The following PDE10A variants were observed in gnomAD, a reference collection of about 807,000 sequenced individuals.
PDE10A encodes the protein phosphodiesterase 10A, also known as cAMP and cAMP-inhibited cGMP 3',5'-cyclic phosphodiesterase 10A.
PDE10A carries 39 observed loss-of-function variants against 97.7 expected under a neutral mutation model. That is an observed-to-expected ratio of 0.40 (90% CI 0.31 to 0.52). The LOEUF (loss-of-function observed/expected upper bound fraction) is 0.52. PDE10A is among the 20% of genes least tolerant of loss of function. The pLI is 0.56. For missense variants in PDE10A, 731 were observed against 1,047.8 expected, an observed-to-expected ratio of 0.70 and a Z score of 4.17; for synonymous variants, 371 against 376.8, an observed-to-expected ratio of 0.98 and a Z score of 0.18.
chr6:165,717,654 T>C (rs954923521), intron 1 of PDE10A, among the ~76,000 whole-genome samples: 3 of 152,188 alleles, frequency 2.0e-5, no homozygotes, highest in Admixed American at 1.3e-4. Flanking sequence ...TATCCAGAAA[T>C]GGAATTGCTG....
intron 5 of PDE10A, among the ~76,000 whole-genome samples, chr6:165,437,249 A>C (rs1790091590): frequency 1.3e-5 from 2 of 151,882 alleles, no homozygotes; most frequent in African/African-American, 4.8e-5. Flanking sequence ...TTTTTTTATG[A>C]CTTAGCCATA....
At chr6:165,791,571 C>T (rs934749932) in intron 1 of PDE10A, among the ~76,000 whole-genome samples, 1 of 152,160 alleles carries the variant, frequency 6.6e-6, no homozygotes, top group African/African-American at 2.4e-5. Flanking sequence ...CTTTCTGAGA[C>T]ACCTGAAGTG....
intron 13 of PDE10A, among the ~76,000 whole-genome samples, chr6:165,412,223 T>G (rs1787914833): frequency 6.6e-6 from 1 of 152,108 alleles, no homozygotes; most frequent in African/African-American, 2.4e-5. Flanking sequence ...ATAAAATATA[T>G]TCAACTTTTG....
At chr6:165,520,499 A>G (rs1782066253) in intron 2 of PDE10A, among the ~76,000 whole-genome samples, 2 of 152,166 alleles carry the variant, frequency 1.3e-5, no homozygotes, top group Admixed American at 1.3e-4. Flanking sequence ...AGGGATGGGC[A>G]TGAGGACAGC....
intron 2 of PDE10A, among the ~76,000 whole-genome samples, chr6:165,487,228 GAA>G (rs1353080013): frequency 1.3e-5 from 2 of 152,160 alleles, no homozygotes; most frequent in Non-Finnish European, 2.9e-5. Context: ...CAAAAGCACT[GAA>G]AAGCCTGCTT....
intron 1 of PDE10A, among the ~76,000 whole-genome samples, chr6:165,796,257 A>G (rs982938904): frequency 3.3e-5 from 5 of 151,554 alleles, no homozygotes; most frequent in African/African-American, 9.7e-5. Context: ...CACCACGCCC[A>G]GCTAATTTTT....
intron 1 of PDE10A, among the ~76,000 whole-genome samples, chr6:165,818,408 A>G (rs1160336459): frequency 6.6e-6 from 1 of 152,118 alleles, no homozygotes; most frequent in Non-Finnish European, 1.5e-5. Context: ...ATGAAATGCG[A>G]CTCTGCGGGG....
At chr6:165,641,141 C>G (rs1397915400) in intron 1 of PDE10A, among the ~76,000 whole-genome samples, 1 of 152,084 alleles carries the variant, frequency 6.6e-6, no homozygotes, top group Non-Finnish European at 1.5e-5. Context: ...GCCAGGCTTT[C>G]TGAGCAGACA....
At chr6:165,547,302 G>T (rs1022155843) in intron 1 of PDE10A, among the ~76,000 whole-genome samples, 1 of 151,992 alleles carries the variant, frequency 6.6e-6, no homozygotes, top group African/African-American at 2.4e-5. Flanking sequence ...CATGAGCAGG[G>T]GCAGGTTAAA....
intron 1 of PDE10A, among the ~76,000 whole-genome samples, chr6:165,668,987 T>G (rs1401281874): frequency 6.6e-6 from 1 of 152,210 alleles, no homozygotes; most frequent in Non-Finnish European, 1.5e-5. Context: ...CCTCAGCCGC[T>G]GATGCCTCAT....
At chr6:165,635,378 T>C (rs1788823861) in intron 1 of PDE10A, among the ~76,000 whole-genome samples, 1 of 152,230 alleles carries the variant, frequency 6.6e-6, no homozygotes, top group Non-Finnish European at 1.5e-5. Flanking sequence ...ATTTTTCATT[T>C]TGTAAGACTG....
At chr6:165,816,641 A>G (rs76384423) in intron 1 of PDE10A, among the ~76,000 whole-genome samples, 1,844 of 152,374 alleles carry the variant, frequency 0.012, 42 homozygotes, top group African/African-American at 0.042. Flanking sequence ...TAAGCACTGC[A>G]TTAAGTGTTT....
chr6:165,717,102 A>C (rs1372157881), intron 1 of PDE10A, among the ~76,000 whole-genome samples: 1 of 152,184 alleles, frequency 6.6e-6, no homozygotes, highest in Non-Finnish European at 1.5e-5. Context: ...TTTGTTTTTT[A>C]TGTGACTGAT....
At chr6:165,626,110 A>G (rs1316771849) in intron 1 of PDE10A, among the ~76,000 whole-genome samples, 1 of 152,162 alleles carries the variant, frequency 6.6e-6, no homozygotes, top group East Asian at 1.9e-4. Context: ...CCTGGGGATC[A>G]AAGACACAGT....
chr6:165,405,347 A>C (rs1787053173), intron 13 of PDE10A, among the ~76,000 whole-genome samples: 1 of 152,236 alleles, frequency 6.6e-6, no homozygotes, highest in Non-Finnish European at 1.5e-5. Flanking sequence ...GAAGCAAATC[A>C]AATTTTAATG....
chr6:165,624,985 T>A (rs1788313618), intron 1 of PDE10A, among the ~76,000 whole-genome samples: 1 of 152,180 alleles, frequency 6.6e-6, no homozygotes, highest in Non-Finnish European at 1.5e-5. Flanking sequence ...GAGTTTGCTA[T>A]GCAGTGTGTT....
chr6:165,838,695 T>C (rs1780132656), intron 1 of PDE10A, among the ~76,000 whole-genome samples: 2 of 152,242 alleles, frequency 1.3e-5, no homozygotes, highest in African/African-American at 4.8e-5. Context: ...CTCTAATTAA[T>C]TCCAGCTGTG....
At chr6:165,839,342 A>C (rs1220386304) in intron 1 of PDE10A, among the ~76,000 whole-genome samples, 3 of 152,258 alleles carry the variant, frequency 2.0e-5, no homozygotes, top group Admixed American at 6.5e-5. Context: ...TCAAACTTTT[A>C]ATGAGAAATT....
intron 1 of PDE10A, among the ~76,000 whole-genome samples, chr6:165,653,255 T>C (rs1789772149): frequency 6.6e-6 from 1 of 152,236 alleles, no homozygotes; most frequent in African/African-American, 2.4e-5. Context: ...TGCTCGGCAC[T>C]GAGGTTAGGA....
Sources: gnomAD v4.1 joint callset for allele counts (sites outside exome capture counted in the v4.1 genomes callset) on GRCh38, gnomAD v4.1.1 for gene constraint, MANE v1.5 for transcripts, NCBI Gene and HGNC (gene_info 2026-07-23, HGNC 2026-07-21) for gene names.